Variants in PALLD observed in about 807,000 individuals in gnomAD.
PALLD encodes palladin.
PALLD carries 61 observed loss-of-function variants against 123.5 expected under a neutral mutation model. The observed-to-expected ratio is 0.49, with a 90% CI of 0.40 to 0.61. The LOEUF (loss-of-function observed/expected upper bound fraction) is 0.61. Ranked by LOEUF, PALLD falls within the 20% of genes least tolerant of loss-of-function variation. The pLI is 0.00. For synonymous variants in PALLD, 465 were observed against 496.4 expected (o/e 0.94, Z 0.84); for missense variants, 1,273 against 1,377.0 (o/e 0.92, Z 1.20).
At chr4:168,675,193 T>A (rs1228216755) in intron 3 of PALLD, among the ~76,000 whole-genome samples, 1 of 152,138 alleles carries the variant, frequency 6.6e-6, no homozygotes, top group South Asian at 2.1e-4. Context: ...CCCTGAAATG[T>A]GGGATGAAGG....
chr4:168,556,210 C>T (rs1767282476), intron 2 of PALLD, among the ~76,000 whole-genome samples: 1 of 152,104 alleles, frequency 6.6e-6, no homozygotes, highest in Non-Finnish European at 1.5e-5. Context: ...ATTCTCCTGC[C>T]TCGGCCTCCA....
intron 3 of PALLD, among the ~76,000 whole-genome samples, chr4:168,680,961 T>C (rs1166928924): frequency 6.6e-6 from 1 of 152,202 alleles, no homozygotes; most frequent in East Asian, 1.9e-4. Context: ...CTGCAATCTC[T>C]GGAGAAGGTT....
At chr4:168,691,337 G>A (rs780813206) in intron 8 of PALLD, 45 bp downstream of exon 8, 2 of 1,518,566 alleles carry the variant, frequency 1.3e-6, no homozygotes, top group Admixed American at 1.7e-5. Context: ...TGGGGGAGCA[G>A]ATAATGTATC....
At chr4:168,787,774 T>C (rs1293283264) in intron 10 of PALLD, among the ~76,000 whole-genome samples, 1 of 152,256 alleles carries the variant, frequency 6.6e-6, no homozygotes, top group African/African-American at 2.4e-5. Context: ...TTATTCCTCC[T>C]TTCCCTAAGC....
intron 10 of PALLD, among the ~76,000 whole-genome samples, chr4:168,827,376 A>T (rs1051942466): frequency 6.6e-6 from 1 of 152,206 alleles, no homozygotes; most frequent in Non-Finnish European, 1.5e-5. Context: ...AAAGTTTCTC[A>T]CTTTTGTTAA....
chr4:168,503,482 A>G (rs1761643943), intron 1 of PALLD, among the ~76,000 whole-genome samples: 1 of 152,040 alleles, frequency 6.6e-6, no homozygotes, highest in Non-Finnish European at 1.5e-5. Context: ...CCCTGTCTCT[A>G]CTAAAAATAC....
At chr4:168,817,611 A>C (rs1462644225) in intron 10 of PALLD, among the ~76,000 whole-genome samples, 1 of 152,244 alleles carries the variant, frequency 6.6e-6, no homozygotes, top group Non-Finnish European at 1.5e-5. Context: ...GATCCTATGG[A>C]TAAATGCTGC....
chr4:168,629,638 C>T (rs1157262012), intron 2 of PALLD, among the ~76,000 whole-genome samples: 1 of 152,214 alleles, frequency 6.6e-6, no homozygotes, highest in Non-Finnish European at 1.5e-5. Context: ...CCCTCCCATC[C>T]CTTCCTGGGT....
chr4:168,708,656 A>G (rs1310456534), intron 8 of PALLD, among the ~76,000 whole-genome samples: 2 of 152,204 alleles, frequency 1.3e-5, no homozygotes, highest in African/African-American at 4.8e-5. Context: ...AGGTAGCTGT[A>G]TGTACAGAAA....
intron 10 of PALLD, among the ~76,000 whole-genome samples, chr4:168,846,689 G>T (rs1467450952): frequency 2.0e-5 from 3 of 152,166 alleles, no homozygotes; most frequent in Non-Finnish European, 4.4e-5. Context: ...CTACCCAGAG[G>T]AAGATAGGAG....
At chr4:168,620,247 G>A (rs924247560) in intron 2 of PALLD, among the ~76,000 whole-genome samples, 14 of 152,194 alleles carry the variant, frequency 9.2e-5, no homozygotes, top group Admixed American at 4.6e-4. Context: ...ACGAGGTCAG[G>A]AGTTCGAGAC....
chr4:168,758,497 G>A (rs1464037835), intron 10 of PALLD, among the ~76,000 whole-genome samples: 4 of 152,122 alleles, frequency 2.6e-5, no homozygotes, highest in African/African-American at 9.7e-5. Context: ...GCATTCAGAA[G>A]GCACATCCAT....
At chr4:168,658,284 G>T (rs902849369) in intron 2 of PALLD, among the ~76,000 whole-genome samples, 13 of 120,760 alleles carry the variant, frequency 1.1e-4, no homozygotes, top group South Asian at 2.6e-4. Context: ...GTTTTTATTT[G>T]GTTTTTTTTT....
At chr4:168,696,753 A>C (rs1016962983) in intron 8 of PALLD, among the ~76,000 whole-genome samples, 2 of 152,224 alleles carry the variant, frequency 1.3e-5, no homozygotes, top group Non-Finnish European at 2.9e-5. Context: ...TCATAGCAGA[A>C]ATAAAACGAG....
In PALLD at chr4:168,663,907, G is replaced by C. The variant is rs186177488; in HGVS notation, c.909-4283G>C. Among the ~76,000 whole-genome samples the C allele has an allele frequency of 2.6e-5, 4 of 152,274 alleles. No individual in the cohort carries two copies. The East Asian group carries it at 7.7e-4, about 29-fold the overall frequency. ...ATTGATCCATAGAGTATTGAACATA[G>C]TTGATGCTTTAAAATATTTATTATC... On this transcript the variant is annotated intron_variant, in intron 2 of 21. Transcript: ENST00000505667.
intron 1 of PALLD, chr4:168,505,934 T>A (rs2149408452): frequency 6.6e-6 from 1 of 152,352 alleles, no homozygotes; most frequent in Non-Finnish European, 1.5e-5. Flanking sequence ...TTGCAACTAC[T>A]CAACTCTGAC....
chr4:168,905,212 G>A (rs1199035063), intron 15 of PALLD, among the ~76,000 whole-genome samples: 5 of 138,092 alleles, frequency 3.6e-5, no homozygotes, highest in Non-Finnish European at 7.7e-5. Flanking sequence ...ATGCAGTGGC[G>A]CGATCTCGGC....
At chr4:168,706,780 A>G (rs960953429) in intron 8 of PALLD, among the ~76,000 whole-genome samples, 3 of 152,212 alleles carry the variant, frequency 2.0e-5, no homozygotes, top group Non-Finnish European at 4.4e-5. Context: ...ATTTGACCCA[A>G]TAACACGACA....
intron 15 of PALLD, among the ~76,000 whole-genome samples, chr4:168,906,451 G>C (rs1309406936): frequency 1.3e-5 from 2 of 152,048 alleles, no homozygotes; most frequent in Non-Finnish European, 2.9e-5. Context: ...CCAGCCTTGG[G>C]GGTCAGTAGT....
Sources: allele counts gnomAD v4.1 joint callset (sites outside exome capture counted in the v4.1 genomes callset), GRCh38; gene constraint gnomAD v4.1.1; transcripts MANE v1.5; gene names NCBI Gene and HGNC (gene_info 2026-07-23, HGNC 2026-07-21).